Variants in ORC2 observed in about 807,000 individuals in gnomAD.
ORC2 encodes origin recognition complex protein 2 homolog.
A neutral mutation model predicts 77.7 loss-of-function variants in ORC2; 37 were observed. That is an observed-to-expected ratio of 0.48 (90% CI 0.37 to 0.63). ORC2 has a LOEUF of 0.63. Ranked by LOEUF, ORC2 falls within the 20% of genes least tolerant of loss-of-function variation. The probability of loss-of-function intolerance (pLI) is 0.00; values close to 1 mark genes in which losing one functional copy is unlikely to be tolerated. For missense variants in ORC2, 557 were observed against 661.9 expected (o/e 0.84, Z 1.74); for synonymous variants, 201 against 229.5 (o/e 0.88, Z 1.12).
At chr2:200,939,675 C>T (rs1271074754) in intron 7 of ORC2, among the ~76,000 whole-genome samples, 2 of 152,190 alleles carry the variant, frequency 1.3e-5, no homozygotes, top group Non-Finnish European at 2.9e-5. Flanking sequence ...AAGCCCGATA[C>T]ATATTTTCTC....
intron 9 of ORC2, 150 bp from the exon 10 acceptor site, chr2:200,934,124 A>C: frequency 2.1e-6 from 1 of 470,630 alleles, no homozygotes; most frequent in Non-Finnish European, 3.8e-6. Flanking sequence ...GTTAAGGACC[A>C]AGCATATTTA....
rs748357418 is a variant in ORC2 at position 200,941,251 on chromosome 2, C to T, written c.450G>A (p.Pro150=). The T allele has an allele frequency of 1.2e-4, 186 of 1,609,476 alleles. No individual in the cohort carries two copies. Among genetic ancestry groups the T allele is most frequent in the Non-Finnish European group, 1.5e-4 (180 of 1,176,804 alleles). The change falls in exon 7 of 18, where the codon CCG becomes CCA. Residue 150 remains proline, a synonymous_variant. Transcript: ENST00000234296. ...TGCTTTTTAGTCAATTGCTTACCTT[C>T]GGTTGAACCTTGTCTGAAGCAGAAT... ...KGHSASDKVQ[P]KNNDKSEFLS... is the part of the protein sequence containing the mutation.
Position 200,911,089 on chromosome 2 carries a change from T to C in ORC2, c.*212A>G. 2.3e-6 allele frequency: 1 copy of C among 427,576 alleles called. No individual in the cohort carries two copies. Among genetic ancestry groups the C allele is most frequent in the East Asian group, 3.5e-5 (1 of 28,444 alleles). 26.5% of individuals were successfully genotyped at this position (427,576 alleles called of 1,614,324 possible). The stretch of plus-strand genomic sequence containing the variant: ...GAGAGGTAATGAATGAAAGGCACAT[T>C]TTCTCCAACTTGAGGACCGCTGCAT... On this transcript the variant is annotated 3_prime_UTR_variant, in exon 18 of 18. Transcript: ENST00000234296.
intron 10 of ORC2, among the ~76,000 whole-genome samples, chr2:200,933,562 ATTAT>A (rs905712745): frequency 2.0e-4 from 31 of 152,016 alleles, no homozygotes; most frequent in Middle Eastern, 3.2e-3. Flanking sequence ...AATCCAGTAA[ATTAT>A]TTATTTATTT....
chr2:200,957,009 C>A (rs16836199), intron 4 of ORC2, among the ~76,000 whole-genome samples: 3 of 151,800 alleles, frequency 2.0e-5, no homozygotes, highest in African/African-American at 7.3e-5. Flanking sequence ...CCACAGCCTG[C>A]GGGTGGGTGG....
intron 15 of ORC2, among the ~76,000 whole-genome samples, chr2:200,918,650 G>A (rs533107290): frequency 2.8e-4 from 43 of 151,646 alleles, no homozygotes; most frequent in South Asian, 1.0e-3. Flanking sequence ...CACCAAGTCC[G>A]GCTAATTTTT....
At chr2:200,932,223 A>C (rs1234984975) in intron 10 of ORC2, among the ~76,000 whole-genome samples, 2 of 152,168 alleles carry the variant, frequency 1.3e-5, no homozygotes, top group Admixed American at 6.5e-5. Flanking sequence ...GAAAAAGCAG[A>C]GAAAGCACTA....
Position 200,926,775 on chromosome 2 carries a change from A to G in ORC2, c.1043T>C (p.Val348Ala). 1 of 1,613,896 alleles carries G rather than the reference A, an allele frequency of 6.2e-7. No homozygotes were observed. The highest frequency in any genetic ancestry group is 8.5e-7 in the Non-Finnish European group (1 of 1,179,884). ...AACATTTTTGAAACTTACTGATTTC[A>G]CACTGATTCCAGGAAAGAAGCCATT... The part of the protein sequence containing the change: ...VINGFFPGIS[V>A]KSVLNSITEE... Residue 348 changes from valine (V) to alanine (A), a missense_variant, in exon 12 of 18, where the codon GTG (valine) becomes GCG (alanine). Val to Ala is a moderately conservative substitution (Grantham distance 64, BLOSUM62 0). Coordinates refer to ENST00000234296, the MANE Select transcript of ORC2 (RefSeq NM_006190.5).
At chr2:200,917,690 A>G (rs989969456) in intron 15 of ORC2, among the ~76,000 whole-genome samples, 15 of 152,104 alleles carry the variant, frequency 9.9e-5, no homozygotes, top group Admixed American at 2.0e-4. Context: ...AACAATGTCA[A>G]TTTCTTGGTT....
intron 11 of ORC2, among the ~76,000 whole-genome samples, chr2:200,929,024 G>A (rs2040892719): frequency 6.6e-6 from 1 of 151,862 alleles, no homozygotes; most frequent in South Asian, 2.1e-4. Flanking sequence ...GCAGTGGTGC[G>A]ATTTTGGCTC....
At chr2:200,931,895 G>A (rs1049083866) in intron 10 of ORC2, among the ~76,000 whole-genome samples, 1 of 152,050 alleles carries the variant, frequency 6.6e-6, no homozygotes, top group East Asian at 1.9e-4. Context: ...ATAAACTGAG[G>A]AAAGTGCATT....
In ORC2 at chr2:200,930,391, T is replaced by C. The variant is rs150773500; in HGVS notation, c.917+948A>G. ...ACGCTGGGAGAAAAAAATGATGGGC[T>C]GGGGATGGGATTAGAATGAAGAGCT... On this transcript the variant is annotated intron_variant, in intron 11 of 17. Coordinates refer to ENST00000234296, the MANE Select transcript of ORC2 (RefSeq NM_006190.5). 4.1e-4 allele frequency among the ~76,000 whole-genome samples: 63 copies of C among 152,138 alleles called. 1 individual carries two copies. In the East Asian group the frequency reaches 9.1e-3, roughly 22 times the overall value.
At chr2:200,942,234 G>A (rs1427507081) in intron 6 of ORC2, among the ~76,000 whole-genome samples, 1 of 152,056 alleles carries the variant, frequency 6.6e-6, no homozygotes, top group Admixed American at 6.6e-5. Flanking sequence ...AGTGACATTG[G>A]TGTTCAAAAA....
intron 5 of ORC2, 72 bp from the exon 6 acceptor site, chr2:200,942,849 G>T: frequency 1.2e-6 from 1 of 835,902 alleles, no homozygotes; most frequent in Non-Finnish European, 1.8e-6. Flanking sequence ...ACCTTATTAC[G>T]CTTACAAAAA....
chr2:200,911,441 T>G (rs185557156), intron 17 of ORC2, 54 bp from the exon 18 acceptor site: 91 of 949,688 alleles, frequency 9.6e-5, no homozygotes, highest in Non-Finnish European at 1.4e-4. Context: ...GTATATGAAC[T>G]CTTCTATTGT....
intron 17 of ORC2, among the ~76,000 whole-genome samples, chr2:200,913,030 A>C (rs2040578164): frequency 6.6e-6 from 1 of 152,208 alleles, no homozygotes; most frequent in Non-Finnish European, 1.5e-5. Flanking sequence ...GGAAAAAACA[A>C]AAGAACAGAA....
intron 15 of ORC2, among the ~76,000 whole-genome samples, chr2:200,917,385 C>G (rs574393338): frequency 6.6e-6 from 1 of 152,224 alleles, no homozygotes; most frequent in Admixed American, 6.5e-5. Context: ...CTCCTGGCCT[C>G]ATGCAATCTT....
At position 200,956,793 on chromosome 2, in the gene ORC2, T is replaced by C. The variant is rs17425988; in HGVS notation, c.238+608A>G. On this transcript the variant is annotated intron_variant, in intron 4 of 17. Coordinates refer to ENST00000234296, the MANE Select transcript of ORC2 (RefSeq NM_006190.5). ...TCTCTAAAATAAATAAATAAATAAA[T>C]AAATAATCTTGAAAATAACTTTAGG... Among the ~76,000 whole-genome samples, 1,137 of 152,040 alleles carry C rather than the reference T, an allele frequency of 7.5e-3. 10 individuals carry two copies. The highest frequency in any genetic ancestry group is 0.026 in the African/African-American group (1,077 of 41,460).
intron 13 of ORC2, among the ~76,000 whole-genome samples, chr2:200,922,700 G>A (rs569349856): frequency 6.6e-6 from 1 of 152,216 alleles, no homozygotes; most frequent in South Asian, 2.1e-4. Flanking sequence ...ATATTTAACA[G>A]TATCAAAACC....
Sources: allele counts gnomAD v4.1 joint callset (sites outside exome capture counted in the v4.1 genomes callset), GRCh38; gene constraint gnomAD v4.1.1; transcripts MANE v1.5; gene names NCBI Gene and HGNC (gene_info 2026-07-23, HGNC 2026-07-21).